MYH14: variants seen among roughly 807,000 people sequenced by gnomAD.
MYH14 encodes myosin heavy chain 14.
In MYH14, 123 loss-of-function variants were observed where a neutral mutation model predicts 255.5. The observed-to-expected ratio is 0.48, with a 90% confidence interval of 0.42 to 0.56. MYH14 has a LOEUF of 0.56. Among genes scored for constraint, MYH14 ranks in the 20% least tolerant of loss-of-function variants. The pLI is 0.00. For synonymous variants in MYH14, 1,095 were observed against 1,161.2 expected (o/e 0.94, Z 1.16); for missense variants, 2,423 against 2,802.3 (o/e 0.86, Z 3.06).
intron 39 of MYH14, among the ~76,000 whole-genome samples, chr19:50,296,259 C>T (rs2036262574): frequency 6.6e-6 from 1 of 152,138 alleles, no homozygotes; most frequent in African/African-American, 2.4e-5. Context: ...AACCCAGTAG[C>T]AATGAGTATC....
rs2032812229 is a variant in MYH14, at chr19:50,221,393, C to T, written c.563-1690C>T. ...AAGTCTGAGGTCCTACTGGACGCAG[C>T]TTACTCCCTGGCTTGAAGACACCCA... On this transcript the variant is annotated intron_variant, in intron 3 of 42. Transcript: ENST00000642316. The surrounding 1 kb of genome is among the most constrained non-coding windows in gnomAD (Gnocchi z 5.3). Among the ~76,000 whole-genome samples, 1 of 152,178 alleles carries T rather than the reference C, an allele frequency of 6.6e-6. No individual in the cohort carries two copies.
intron 1 of MYH14, among the ~76,000 whole-genome samples, chr19:50,207,451 T>G (rs1322466494): frequency 6.6e-6 from 1 of 151,986 alleles, no homozygotes; most frequent in Non-Finnish European, 1.5e-5. Context: ...GCCTAACACA[T>G]TCTAGTTCCC....
At chr19:50,226,838 G>A in intron 7 of MYH14, 65 bp from the exon 8 acceptor site, 1 of 1,516,196 alleles carries the variant, frequency 6.6e-7, no homozygotes, top group Non-Finnish European at 9.2e-7. Flanking sequence ...GGTTTGGGCT[G>A]TTGTTCACGT....
chr19:50,275,122 G>A (rs553607040), intron 27 of MYH14, among the ~76,000 whole-genome samples: 41 of 152,164 alleles, frequency 2.7e-4, no homozygotes, highest in African/African-American at 8.2e-4. Flanking sequence ...AGTGTTCATC[G>A]TCATGTCCTC....
chr19:50,266,997 C>T lies in MYH14; in HGVS notation c.2815C>T (p.Arg939Ter). Residue 939 changes from arginine (R) to a stop codon, truncating the protein, a stop_gained, in exon 23 of 43, where the codon CGA becomes TGA. Coordinates refer to ENST00000642316, the MANE Select transcript of MYH14 (RefSeq NM_001145809.2). LOFTEE classifies it high-confidence loss of function. The surrounding 1 kb of genome is among the most constrained non-coding windows in gnomAD (Gnocchi z 4.1). ...SAREVGELQGRVAQLEEERAR... is the reference protein window; with the variant it reads ...SAREVGELQG ...CCGCGAAGTTGGGGAGCTCCAGGGC[C>T]GAGTGGCACAGGTGAGGGGGCGGGG... 1 of 1,524,548 alleles carries T rather than the reference C, an allele frequency of 6.6e-7. No individual in the cohort carries two copies. The highest frequency in any genetic ancestry group is 8.8e-7 in the Non-Finnish European group (1 of 1,133,754). The allele number at this position is 1,524,548 out of a possible 1,614,324, so 94.4% of individuals were successfully genotyped here.
At chr19:50,217,855 G>A in intron 3 of MYH14, 84 bp downstream of exon 3, 2 of 1,519,520 alleles carry the variant, frequency 1.3e-6, no homozygotes, top group Non-Finnish European at 8.9e-7. Context: ...CAGAGTCCAG[G>A]TCAAATGACA....
Position 50,280,285 on chromosome 19 carries a change from G to A in MYH14, c.4192G>A (p.Ala1398Thr), listed in dbSNP as rs1027435977. 9 of 1,551,472 alleles carry A rather than the reference G, an allele frequency of 5.8e-6. No homozygotes were observed. Among genetic ancestry groups the A allele is most frequent in the Non-Finnish European group, 7.0e-6 (8 of 1,146,932 alleles). The change falls in exon 32 of 43, where the codon GCC becomes ACC. Residue 1398 changes from alanine (A) to threonine (T), a missense_variant. By Grantham distance (58) the Ala-to-Thr change is moderately conservative. Coordinates refer to ENST00000642316, the MANE Select transcript of MYH14 (RefSeq NM_001145809.2). This position sits in a 1 kb window ranked among gnomAD's most constrained non-coding sequence, Gnocchi z 4.8. ...ATTGGCCTTGGGGTCCCGGGTGCGAGCCATGGAGGCTGAGGCAGCCGGGCT... is the reference window on the plus strand; with the variant it reads ...ATTGGCCTTGGGGTCCCGGGTGCGAACCATGGAGGCTGAGGCAGCCGGGCT... ...AKLALGSRVR[A>T]MEAEAAGLRE...
chr19:50,291,024 G>A lies in MYH14; in HGVS notation c.5103G>A (p.Ala1701=), dbSNP rs375599200. The change falls in exon 36 of 43, where the codon GCG becomes GCA. Residue 1701 remains alanine, a synonymous_variant. Coordinates refer to ENST00000642316, the MANE Select transcript of MYH14 (RefSeq NM_001145809.2). ...MASAGQGKEE[A]VKQLRKMQAQ... is the part of the protein sequence containing the mutation. ...CTGCCGGCCAGGGCAAGGAGGAGGC[G>A]GTGAAGCAGCTTCGCAAGATGCAGG... 248 of 1,612,892 alleles carry A rather than the reference G, an allele frequency of 1.5e-4. No individual in the cohort carries two copies. The highest frequency in any genetic ancestry group is 6.7e-4 in the South Asian group (61 of 90,756).
chr19:50,283,238 G>C (rs1278662510), intron 33 of MYH14, among the ~76,000 whole-genome samples: 1 of 152,004 alleles, frequency 6.6e-6, no homozygotes, highest in Admixed American at 6.6e-5. Flanking sequence ...TCGTGCCTCA[G>C]CCTCCCAAGT....
intron 21 of MYH14, 48 bp from the exon 22 acceptor site, chr19:50,263,263 AT>A: frequency 8.3e-7 from 1 of 1,210,920 alleles, no homozygotes; most frequent in Non-Finnish European, 1.1e-6. Flanking sequence ...TGCTAAGGGG[AT>A]GGCGCCTGGA....
chr19:50,280,812 G>A lies in MYH14; in HGVS notation c.4290+429G>A, dbSNP rs1241859776. ...TCCATGCCTCTCAGTCAGGCATTGA[G>A]GCCCTGCAATCTCTGGTCCTTCCTC... On this transcript the variant is annotated intron_variant, in intron 32 of 42. Coordinates refer to ENST00000642316, the MANE Select transcript of MYH14 (RefSeq NM_001145809.2). The surrounding 1 kb of genome is among the most constrained non-coding windows in gnomAD (Gnocchi z 4.8). Among the ~76,000 whole-genome samples the A allele has an allele frequency of 2.0e-5, 3 of 152,206 alleles. No individual in the cohort carries two copies. Among genetic ancestry groups the A allele is most frequent in the Non-Finnish European group, 4.4e-5 (3 of 68,038 alleles).
chr19:50,206,884 T>C (rs1225019762), intron 1 of MYH14, among the ~76,000 whole-genome samples: 3 of 151,234 alleles, frequency 2.0e-5, no homozygotes, highest in Admixed American at 6.6e-5. Context: ...CTGTGACTGA[T>C]GTGGTGGGGC....
chr19:50,247,288 CAAAT>C (rs1450905974), intron 12 of MYH14, among the ~76,000 whole-genome samples, 166 bp downstream of exon 12: 1 of 152,144 alleles, frequency 6.6e-6, no homozygotes, highest in African/African-American at 2.4e-5. Flanking sequence ...GTCATCGAAA[CAAAT>C]AACCAGGCCC....
chr19:50,294,669 C>T (rs929064505), intron 39 of MYH14, among the ~76,000 whole-genome samples: 4 of 150,880 alleles, frequency 2.7e-5, no homozygotes, highest in African/African-American at 9.7e-5. Flanking sequence ...ATTGAGGCTG[C>T]AGTGAGCTAT....
chr19:50,304,263 T>C (rs1601072392), intron 40 of MYH14, among the ~76,000 whole-genome samples: 1 of 152,348 alleles, frequency 6.6e-6, no homozygotes. Context: ...GGTTCCCTTT[T>C]GTATTCATTC....
chr19:50,231,922 C>T lies in MYH14; in HGVS notation c.974-8C>T. 6.2e-7 allele frequency: 1 copy of T among 1,613,870 alleles called. No homozygotes were observed. The stretch of plus-strand genomic sequence containing the variant: ...CTTTGACCTTGACCCCACTCATTGT[C>T]CCTGCAGCCGACCTCCTCCTCGAGC... On this transcript the variant is annotated splice_region_variant and splice_polypyrimidine_tract_variant and intron_variant, in intron 9 of 42. Transcript: ENST00000642316.
At chr19:50,260,740 CGT>C (rs754997833) in intron 20 of MYH14, 25 bp downstream of exon 20, 1 of 1,468,088 alleles carries the variant, frequency 6.8e-7, no homozygotes, top group South Asian at 1.2e-5. Context: ...GCCTGGAATG[CGT>C]GTGTGCGTGT....
At chr19:50,215,412 G>C (rs2032424203) in intron 2 of MYH14, among the ~76,000 whole-genome samples, 1 of 152,182 alleles carries the variant, frequency 6.6e-6, no homozygotes, top group Non-Finnish European at 1.5e-5. Flanking sequence ...GCTCCTGGCT[G>C]GCCACCCAGG....
rs1042706180 is a variant in MYH14, at chr19:50,289,582, G to T, written c.4899G>T (p.Gln1633His). The T allele has an allele frequency of 1.9e-6, 3 of 1,612,960 alleles. No homozygotes were observed. The Admixed American group carries it at 5.0e-5, about 27-fold the overall frequency. ...LEVTVQALKT[Q>H]HERDLQGRDE... The stretch of plus-strand genomic sequence containing the variant: ...TGACTGTGCAGGCTCTCAAGACTCA[G>T]CATGAGCGTGACCTGCAGGGCCGTG... Residue 1633 changes from glutamine to histidine, a missense_variant, in exon 35 of 43, where the codon CAG (glutamine) becomes CAT (histidine). Around this residue, in one of 3 missense-constraint regions of MYH14, gnomAD observed 1,513 missense variants for 1,674.8 expected, o/e 0.90. Coordinates refer to ENST00000642316, the MANE Select transcript of MYH14 (RefSeq NM_001145809.2).
Sources: gnomAD v4.1 joint callset for allele counts (sites outside exome capture counted in the v4.1 genomes callset) on GRCh38, gnomAD v4.1.1 for gene constraint, gnomAD v4.1.1 regional missense constraint, Gnocchi (gnomAD v3.1) non-coding constraint, MANE v1.5 for transcripts, NCBI Gene and HGNC (gene_info 2026-07-23, HGNC 2026-07-21) for gene names.